CSGALNACT1: variants seen among roughly 807,000 people sequenced by gnomAD.
CSGALNACT1 encodes the protein chondroitin sulfate N-acetylgalactosaminyltransferase 1, also known as beta4GalNAcT-1.
A neutral mutation model predicts 51.0 loss-of-function variants in CSGALNACT1; 52 were observed. The ratio of observed to expected loss-of-function variants is 1.02; its 90% CI spans 0.82 to 1.29. The LOEUF (loss-of-function observed/expected upper bound fraction) is 1.29, where lower values mean the gene tolerates loss of function less well. CSGALNACT1 is among the 50% of genes most tolerant of loss of function. The pLI is 0.00. For missense variants in CSGALNACT1, 935 were observed against 679.2 expected, an observed-to-expected ratio of 1.38 and a Z score of -4.19; for synonymous variants, 341 against 254.4, an observed-to-expected ratio of 1.34 and a Z score of -3.24.
exon 5 of CSGALNACT1, chr8:19,458,545 T>A (rs755443819): frequency 1.2e-6 from 2 of 1,614,078 alleles, no homozygotes; most frequent in African/African-American, 2.7e-5. Flanking sequence ...TGGGGCCGAA[T>A]GGTCGAAATA....
intron 6 of CSGALNACT1, among the ~76,000 whole-genome samples, chr8:19,438,233 C>T (rs1236257946): frequency 6.6e-6 from 1 of 152,132 alleles, no homozygotes; most frequent in East Asian, 1.9e-4. Context: ...AAGGGAGCAG[C>T]CCCCAGGTGG....
intron 8 of CSGALNACT1, 95 bp from the exon 8 acceptor site, chr8:19,408,789 C>T: frequency 9.4e-7 from 1 of 1,069,438 alleles, no homozygotes. Flanking sequence ...AGTGTGGAGC[C>T]CATCCCATCA....
At chr8:19,682,353 C>T in intron 1 of CSGALNACT1, 1 of 301,822 alleles carries the variant, frequency 3.3e-6, no homozygotes, top group African/African-American at 2.2e-5. Flanking sequence ...TTGGCAAGCT[C>T]ACTTACCTCC....
At chr8:19,472,968 T>C (rs944269467) in intron 4 of CSGALNACT1, among the ~76,000 whole-genome samples, 9 of 152,190 alleles carry the variant, frequency 5.9e-5, no homozygotes, top group Non-Finnish European at 4.4e-5. Context: ...ACTATAATAA[T>C]TGTTCTTACT....
intron 1 of CSGALNACT1, among the ~76,000 whole-genome samples, chr8:19,617,566 T>C (rs1186900611): frequency 6.6e-6 from 1 of 152,242 alleles, no homozygotes; most frequent in Admixed American, 6.5e-5. Context: ...ATTACCCATT[T>C]TGTTCATAAA....
intron 2 of CSGALNACT1, among the ~76,000 whole-genome samples, chr8:19,599,856 A>C (rs986836529): frequency 2.0e-5 from 3 of 152,246 alleles, no homozygotes; most frequent in African/African-American, 7.2e-5. Context: ...AGAAGACAGC[A>C]AATGAGTTGT....
At position 19,418,643 on chromosome 8, in the gene CSGALNACT1, G is replaced by T; in HGVS notation, c.1227+13C>A. The T allele has an allele frequency of 6.4e-7, 1 of 1,569,680 alleles. No individual in the cohort carries two copies. The highest frequency in any genetic ancestry group is 8.8e-7 in the Non-Finnish European group (1 of 1,139,722). ...CAGAGCCACACAGAGCCATCTGCAG[G>T]GTAATTACTCACCAGCTGCTGTTCC... On this transcript the variant is annotated intron_variant, in intron 8 of 9. Coordinates refer to ENST00000454498, the Ensembl canonical transcript of CSGALNACT1.
chr8:19,459,374 C>T, intron 4 of CSGALNACT1, among the ~76,000 whole-genome samples: 1 of 114,924 alleles, frequency 8.7e-6, no homozygotes, highest in African/African-American at 3.5e-5. Flanking sequence ...CAGAGCGAAA[C>T]TTTATCTCAA....
chr8:19,561,798 C>T (rs2040786335), intron 3 of CSGALNACT1, among the ~76,000 whole-genome samples: 1 of 152,134 alleles, frequency 6.6e-6, no homozygotes, highest in South Asian at 2.1e-4. Context: ...TGAGGAAGGC[C>T]AGTGGAAGCA....
At chr8:19,705,927 C>A (rs927108225) in intron 1 of CSGALNACT1, among the ~76,000 whole-genome samples, 2 of 152,114 alleles carry the variant, frequency 1.3e-5, no homozygotes, top group Non-Finnish European at 2.9e-5. Context: ...TCTTTCATTT[C>A]CTCGATTATC....
At position 19,729,752 on chromosome 8, in the gene CSGALNACT1, C is replaced by T. The variant is rs1436827112; in HGVS notation, c.-297+28098G>A. On this transcript the variant is annotated intron_variant, in intron 1 of 1. Coordinates refer to the CSGALNACT1 transcript ENST00000517494. The stretch of plus-strand genomic sequence containing the variant: ...AAGAATGCCCTTCCCCCTCATTTAT[C>T]CTCTGCTTTGACCACACAGAGAAGG... Among the ~76,000 whole-genome samples the T allele has an allele frequency of 2.0e-5, 3 of 152,156 alleles. No individual in the cohort carries two copies. The South Asian group carries it at 6.2e-4, about 32-fold the overall frequency.
chr8:19,483,485 T>C (rs889564988), intron 4 of CSGALNACT1, among the ~76,000 whole-genome samples: 1 of 152,202 alleles, frequency 6.6e-6, no homozygotes, highest in South Asian at 2.1e-4. Flanking sequence ...ACCACCACTA[T>C]TGGTCCCCAC....
intron 1 of CSGALNACT1, among the ~76,000 whole-genome samples, chr8:19,633,664 T>C (rs567278115): frequency 3.9e-5 from 6 of 152,268 alleles, no homozygotes; most frequent in East Asian, 1.9e-4. Context: ...ACAGGGAGAA[T>C]TGCCCTCCAG....
At chr8:19,632,908 C>T (rs2055485308) in intron 1 of CSGALNACT1, among the ~76,000 whole-genome samples, 1 of 150,224 alleles carries the variant, frequency 6.7e-6, no homozygotes, top group Non-Finnish European at 1.5e-5. Context: ...GCTTGCACCA[C>T]CACACCCAGC....
At chr8:19,567,157 A>G (rs1386430269) in intron 3 of CSGALNACT1, among the ~76,000 whole-genome samples, 3 of 152,238 alleles carry the variant, frequency 2.0e-5, no homozygotes, top group Non-Finnish European at 4.4e-5. Flanking sequence ...ACTCAAGCCT[A>G]GACCTGATGG....
At chr8:19,575,685 C>CA (rs2044038105) in intron 3 of CSGALNACT1, among the ~76,000 whole-genome samples, 1 of 152,034 alleles carries the variant, frequency 6.6e-6, no homozygotes, top group Non-Finnish European at 1.5e-5. Context: ...AATGGCTTAT[C>CA]AAAAAATGTT....
chr8:19,460,781 G>C (rs988834715), intron 4 of CSGALNACT1, among the ~76,000 whole-genome samples: 1 of 152,124 alleles, frequency 6.6e-6, no homozygotes, highest in African/African-American at 2.4e-5. Flanking sequence ...TCTTTTGTGG[G>C]AACTACATGT....
intron 1 of CSGALNACT1, among the ~76,000 whole-genome samples, chr8:19,704,642 C>G (rs1449496536): frequency 6.6e-6 from 1 of 152,072 alleles, no homozygotes; most frequent in Non-Finnish European, 1.5e-5. Context: ...CAGCATTATT[C>G]ACAATAAGAT....
chr8:19,541,851 T>G (rs548284928), intron 3 of CSGALNACT1, among the ~76,000 whole-genome samples: 2 of 152,128 alleles, frequency 1.3e-5, no homozygotes, highest in Non-Finnish European at 2.9e-5. Context: ...CTGTGTGCAA[T>G]AGAAGAATGA....
Sources: allele counts gnomAD v4.1 joint callset (sites outside exome capture counted in the v4.1 genomes callset), GRCh38; gene constraint gnomAD v4.1.1; transcripts MANE v1.5; gene names NCBI Gene and HGNC (gene_info 2026-07-23, HGNC 2026-07-21).